Variants in PCDH15 observed in about 807,000 individuals in gnomAD.
The protein encoded by PCDH15 is protocadherin related 15.
Under a neutral mutation model 178.5 loss-of-function variants are expected in PCDH15, and 129 were observed. The ratio of observed to expected loss-of-function variants is 0.72; its 90% CI spans 0.63 to 0.84. The LOEUF (loss-of-function observed/expected upper bound fraction) is 0.84. Among genes scored for constraint, PCDH15 ranks in the 40% least tolerant of loss-of-function variants. PCDH15 has a pLI of 0.00. For missense variants in PCDH15, 2,230 were observed against 2,099.9 expected (o/e 1.06, Z -1.21); for synonymous variants, 800 against 732.0 (o/e 1.09, Z -1.50).
rs535437406 is a variant in PCDH15 at position 54,106,959 on chromosome 10, A to G, written c.1918-16896T>C. Among the ~76,000 whole-genome samples, 18 of 152,308 alleles carry G rather than the reference A, an allele frequency of 1.2e-4. No homozygotes were observed. In the East Asian group the frequency reaches 3.1e-3, roughly 26 times the overall value. Reference sequence around the variant, plus strand: ...AGATCAGTTTATTCAAGAAATATTGAATCTGGTGATATGAAGATATATTTG... The same window carrying G: ...AGATCAGTTTATTCAAGAAATATTGGATCTGGTGATATGAAGATATATTTG... On this transcript the variant is annotated intron_variant, in intron 15 of 37. Transcript: ENST00000644397.
intron 25 of PCDH15, among the ~76,000 whole-genome samples, chr10:53,931,216 T>C (rs2085032304): frequency 6.6e-6 from 1 of 152,180 alleles, no homozygotes. Flanking sequence ...CAGTGTACTG[T>C]CTCCATCTGT....
intron 2 of PCDH15, among the ~76,000 whole-genome samples, chr10:54,630,059 T>C (rs1484186271): frequency 1.3e-5 from 2 of 152,084 alleles, no homozygotes; most frequent in Non-Finnish European, 2.9e-5. Flanking sequence ...GAAGGAGAAT[T>C]ACAAAATACT....
At chr10:54,772,583 C>T (rs768746089) in intron 1 of PCDH15, among the ~76,000 whole-genome samples, 6 of 40,870 alleles carry the variant, frequency 1.5e-4, no homozygotes, top group Admixed American at 3.4e-4. Flanking sequence ...TCATTCCAGT[C>T]GGAATGGCTC....
At chr10:54,084,556 C>A (rs774245037) in intron 16 of PCDH15, among the ~76,000 whole-genome samples, 1 of 152,044 alleles carries the variant, frequency 6.6e-6, no homozygotes, top group Non-Finnish European at 1.5e-5. Flanking sequence ...ATCACGTAAG[C>A]CTAGACTTTT....
At chr10:54,741,944 T>G (rs1324137050) in intron 1 of PCDH15, among the ~76,000 whole-genome samples, 1 of 152,078 alleles carries the variant, frequency 6.6e-6, no homozygotes, top group East Asian at 1.9e-4. Context: ...CTATAACATA[T>G]TCAACAATTG....
intron 2 of PCDH15, among the ~76,000 whole-genome samples, chr10:54,637,880 C>T (rs985341067): frequency 3.3e-5 from 5 of 152,170 alleles, no homozygotes; most frequent in Admixed American, 3.3e-4. Context: ...CTATTTGGTA[C>T]TGTGGACAGC....
chr10:55,159,855 G>T (rs1004133679), intron 2 of PCDH15, among the ~76,000 whole-genome samples: 6 of 148,074 alleles, frequency 4.1e-5, no homozygotes, highest in East Asian at 3.9e-4. Flanking sequence ...GCAAACGACG[G>T]TTTTTTTTTC....
chr10:54,825,216 T>A (rs1023632997), intron 3 of PCDH15, among the ~76,000 whole-genome samples: 79 of 152,046 alleles, frequency 5.2e-4, no homozygotes, highest in African/African-American at 1.8e-3. Flanking sequence ...TCATTTTTTA[T>A]GGCTGCATAG....
intron 2 of PCDH15, among the ~76,000 whole-genome samples, chr10:54,939,900 T>A (rs1484045262): frequency 1.3e-5 from 2 of 152,108 alleles, no homozygotes; most frequent in Non-Finnish European, 2.9e-5. Flanking sequence ...CCTAATAACC[T>A]TCCAAACAAC....
chr10:55,240,690 A>G (rs759344928), intron 1 of PCDH15, among the ~76,000 whole-genome samples: 2 of 152,210 alleles, frequency 1.3e-5, no homozygotes, highest in Non-Finnish European at 2.9e-5. Context: ...TGTTTTTATG[A>G]CAGTTCACCA....
intron 1 of PCDH15, among the ~76,000 whole-genome samples, chr10:54,773,632 A>G (rs16906522): frequency 0.1 from 15,180 of 152,238 alleles, 1,498 homozygotes; most frequent in East Asian, 0.47. Context: ...TCATCTTGTC[A>G]CACTGAGACA....
intron 2 of PCDH15, among the ~76,000 whole-genome samples, chr10:54,641,285 T>C (rs1423794653): frequency 6.6e-6 from 1 of 152,146 alleles, no homozygotes; most frequent in East Asian, 1.9e-4. Context: ...TAAATGCTTA[T>C]CTTGACCACA....
intron 2 of PCDH15, among the ~76,000 whole-genome samples, chr10:55,539,163 C>T (rs747060210): frequency 2.0e-4 from 30 of 151,728 alleles, no homozygotes; most frequent in Non-Finnish European, 4.0e-4. Flanking sequence ...CATCTCTTTT[C>T]CCTCAAACAC....
chr10:53,824,883 T>A (rs1012010799), intron 32 of PCDH15, among the ~76,000 whole-genome samples: 2 of 151,944 alleles, frequency 1.3e-5, no homozygotes, highest in African/African-American at 4.8e-5. Flanking sequence ...AAAACTAATT[T>A]AAAAAAATTA....
At chr10:54,614,194 T>C (rs2093057896) in intron 2 of PCDH15, among the ~76,000 whole-genome samples, 1 of 151,802 alleles carries the variant, frequency 6.6e-6, no homozygotes, top group East Asian at 1.9e-4. Flanking sequence ...TCCTAAAATA[T>C]CTCAAATGTG....
intron 2 of PCDH15, among the ~76,000 whole-genome samples, chr10:55,446,553 A>G (rs925591431): frequency 1.3e-5 from 2 of 152,092 alleles, no homozygotes; most frequent in Non-Finnish European, 1.5e-5. Flanking sequence ...AATGAAAAAG[A>G]GTTCTAGCAT....
At chr10:55,038,104 T>C (rs986897991) in intron 2 of PCDH15, among the ~76,000 whole-genome samples, 12 of 152,198 alleles carry the variant, frequency 7.9e-5, no homozygotes, top group African/African-American at 2.9e-4. Flanking sequence ...ATTATATGGC[T>C]GTCAATGGCC....
intron 3 of PCDH15, among the ~76,000 whole-genome samples, chr10:54,887,221 T>G (rs1954375834): frequency 6.6e-6 from 1 of 152,216 alleles, no homozygotes; most frequent in African/African-American, 2.4e-5. Flanking sequence ...AGTCTCTGTG[T>G]TTGTTTTACT....
chr10:53,837,764 CACACAT>C (rs1023354180), intron 29 of PCDH15, among the ~76,000 whole-genome samples: 15 of 151,852 alleles, frequency 9.9e-5, no homozygotes, highest in Non-Finnish European at 1.5e-5. Flanking sequence ...CACACACACA[CACACAT>C]ACACACATAT....
Sources: gnomAD v4.1 joint callset for allele counts (sites outside exome capture counted in the v4.1 genomes callset) on GRCh38, gnomAD v4.1.1 for gene constraint, MANE v1.5 for transcripts, NCBI Gene and HGNC (gene_info 2026-07-23, HGNC 2026-07-21) for gene names.